Variants in LRP1B observed in about 807,000 individuals in gnomAD.
LRP1B encodes low-density lipoprotein receptor-related protein 1B.
Under a neutral mutation model 556.6 loss-of-function variants are expected in LRP1B, and 217 were observed. That is an observed-to-expected ratio of 0.39 (90% confidence interval 0.35 to 0.44). The LOEUF is 0.44. LRP1B is among the 20% of genes least tolerant of loss of function. The pLI is 1.00. For synonymous variants in LRP1B, 2,047 were observed against 1,865.8 expected, an observed-to-expected ratio of 1.10 and a Z score of -2.50; for missense variants, 5,053 against 5,620.8, an observed-to-expected ratio of 0.90 and a Z score of 3.23.
At position 141,302,319 on chromosome 2, in the gene LRP1B, C is replaced by G. The variant is rs569069050; in HGVS notation, c.344-47678G>C. Among the ~76,000 whole-genome samples, 184 of 152,162 alleles carry G rather than the reference C, an allele frequency of 1.2e-3. 2 individuals carry two copies. The highest frequency in any genetic ancestry group is 1.8e-3 in the Non-Finnish European group (122 of 67,958). On this transcript the variant is annotated intron_variant, in intron 3 of 90. Transcript: ENST00000389484. ...CAACTAGAACATTTGGCCAGGTGTGCAAAGCCAGTACATTATGCTAAATAT... is the reference window on the plus strand; with the variant it reads ...CAACTAGAACATTTGGCCAGGTGTGGAAAGCCAGTACATTATGCTAAATAT...
At chr2:140,955,525 CAA>C (rs888223814) in intron 18 of LRP1B, among the ~76,000 whole-genome samples, 10 of 151,622 alleles carry the variant, frequency 6.6e-5, no homozygotes, top group African/African-American at 2.4e-4. Context: ...TACATGTCAT[CAA>C]GTTACAATTA....
intron 1 of LRP1B, among the ~76,000 whole-genome samples, chr2:141,874,827 C>G (rs1698704151): frequency 6.6e-6 from 1 of 151,922 alleles, no homozygotes; most frequent in Non-Finnish European, 1.5e-5. Context: ...AGCTAATCTT[C>G]AGGAGCCTTA....
At chr2:141,002,637 CAAGA>C in intron 15 of LRP1B, among the ~76,000 whole-genome samples, 1 of 152,036 alleles carries the variant, frequency 6.6e-6, no homozygotes, top group East Asian at 1.9e-4. Context: ...GAAATAATTA[CAAGA>C]AAGAAAGTGT....
At chr2:141,315,947 T>C (rs1687018215) in intron 3 of LRP1B, among the ~76,000 whole-genome samples, 1 of 137,102 alleles carries the variant, frequency 7.3e-6, no homozygotes, top group African/African-American at 2.6e-5. Context: ...CCACAGGCTT[T>C]ATGGCTTTGT....
intron 2 of LRP1B, among the ~76,000 whole-genome samples, chr2:141,746,298 G>A (rs878859164): frequency 2.6e-5 from 4 of 152,126 alleles, no homozygotes; most frequent in Admixed American, 2.6e-4. Context: ...ACAGTGACGG[G>A]GCTTGCTGGA....
chr2:140,640,658 C>A (rs1167155990), intron 41 of LRP1B, among the ~76,000 whole-genome samples: 1 of 152,008 alleles, frequency 6.6e-6, no homozygotes, highest in Admixed American at 6.6e-5. Context: ...GCTGGGATTA[C>A]AGGCGTGAGC....
intron 2 of LRP1B, among the ~76,000 whole-genome samples, chr2:141,807,607 T>G (rs575689997): frequency 6.6e-6 from 1 of 152,250 alleles, no homozygotes; most frequent in Non-Finnish European, 1.5e-5. Context: ...GGTATGAATT[T>G]TATTTTACAA....
At chr2:141,839,054 G>T (rs1041175115) in intron 1 of LRP1B, among the ~76,000 whole-genome samples, 10 of 152,152 alleles carry the variant, frequency 6.6e-5, no homozygotes, top group South Asian at 2.1e-4. Context: ...TGCTTACATT[G>T]ATAGGTACAG....
chr2:141,946,044 C>T lies in LRP1B; in HGVS notation c.83-135643G>A, dbSNP rs932208202. On this transcript the variant is annotated intron_variant, in intron 1 of 90. Coordinates refer to ENST00000389484, the MANE Select transcript of LRP1B (RefSeq NM_018557.3). ...CTGGAAGACAGGGGTGGAGGCAGCTCCCACTCAACGAGAGAGCACGTAGGG... is the reference window on the plus strand; with the variant it reads ...CTGGAAGACAGGGGTGGAGGCAGCTTCCACTCAACGAGAGAGCACGTAGGG... 2.6e-5 allele frequency among the ~76,000 whole-genome samples: 4 copies of T among 151,994 alleles called. No individual in the cohort carries two copies. The South Asian group carries it at 8.3e-4, about 32-fold the overall frequency.
At chr2:141,051,733 A>G (rs1922710) in intron 10 of LRP1B, among the ~76,000 whole-genome samples, 130,951 of 151,978 alleles carry the variant, frequency 0.86, 56,821 homozygotes, top group Non-Finnish European at 0.91. Context: ...TGTATTTCCC[A>G]GCAGCAGATT....
At chr2:140,503,606 G>A (rs149836388) in intron 53 of LRP1B, among the ~76,000 whole-genome samples, 28 of 152,080 alleles carry the variant, frequency 1.8e-4, no homozygotes, top group South Asian at 6.2e-4. Flanking sequence ...AGAGCAATAA[G>A]CACAAAAACT....
At chr2:140,859,063 G>T (rs1302889225) in intron 27 of LRP1B, among the ~76,000 whole-genome samples, 2 of 151,980 alleles carry the variant, frequency 1.3e-5, no homozygotes, top group African/African-American at 2.4e-5. Flanking sequence ...CAAGTGATTT[G>T]CCTGCTTCGG....
intron 18 of LRP1B, among the ~76,000 whole-genome samples, chr2:140,954,670 T>C (rs1695821438): frequency 6.6e-6 from 1 of 151,948 alleles, no homozygotes; most frequent in African/African-American, 2.4e-5. Context: ...CAAACTAAAT[T>C]TAAAAATCTA....
chr2:141,283,347 C>A (rs1218454887), intron 3 of LRP1B, among the ~76,000 whole-genome samples: 1 of 151,784 alleles, frequency 6.6e-6, no homozygotes, highest in Non-Finnish European at 1.5e-5. Flanking sequence ...TGAGAGAAGT[C>A]CAAAACTGAG....
chr2:140,238,931 G>A (rs1680829669), intron 88 of LRP1B, among the ~76,000 whole-genome samples: 1 of 150,742 alleles, frequency 6.6e-6, no homozygotes, highest in Non-Finnish European at 1.5e-5. Context: ...GAGCACACAT[G>A]GCTCTTGTCT....
At chr2:141,477,309 A>AAT (rs1553519617) in intron 3 of LRP1B, among the ~76,000 whole-genome samples, 4 of 151,952 alleles carry the variant, frequency 2.6e-5, no homozygotes, top group African/African-American at 9.6e-5. Context: ...AAAAAAAAAA[A>AAT]AAAGAAAGAA....
chr2:141,031,478 A>G (rs1390389214), intron 11 of LRP1B, among the ~76,000 whole-genome samples: 1 of 151,924 alleles, frequency 6.6e-6, no homozygotes, highest in Non-Finnish European at 1.5e-5. Context: ...ATAAAATTTG[A>G]TATTTCTCTT....
chr2:141,533,406 T>G (rs1684959399), intron 2 of LRP1B, among the ~76,000 whole-genome samples: 1 of 152,162 alleles, frequency 6.6e-6, no homozygotes, highest in Non-Finnish European at 1.5e-5. Flanking sequence ...ACTGCTCACA[T>G]CTTTTCATGA....
At chr2:142,102,380 T>A (rs763282982) in intron 1 of LRP1B, among the ~76,000 whole-genome samples, 19 of 151,884 alleles carry the variant, frequency 1.3e-4, no homozygotes, top group South Asian at 6.2e-4. Context: ...AACTTGAGTT[T>A]GTATCAGACA....
Sources: allele counts gnomAD v4.1 joint callset (sites outside exome capture counted in the v4.1 genomes callset), GRCh38; gene constraint gnomAD v4.1.1; transcripts MANE v1.5; gene names NCBI Gene and HGNC (gene_info 2026-07-23, HGNC 2026-07-21).